The following ESRP1 variants were observed in gnomAD, a reference collection of about 807,000 sequenced individuals.
The protein encoded by ESRP1 is epithelial splicing regulatory protein 1.
Under a neutral mutation model 81.7 loss-of-function variants are expected in ESRP1, and 33 were observed. The observed-to-expected ratio is 0.40, with a 90% CI of 0.31 to 0.54. The LOEUF (loss-of-function observed/expected upper bound fraction) is 0.54, where lower values mean the gene tolerates loss of function less well. Ranked by LOEUF, ESRP1 falls within the 20% of genes least tolerant of loss-of-function variation. The pLI is 0.41. For missense variants in ESRP1, 672 were observed against 833.1 expected (o/e 0.81, Z 2.38); for synonymous variants, 320 against 303.3 (o/e 1.06, Z -0.57).
intron 4 of ESRP1, among the ~76,000 whole-genome samples, chr8:94,658,069 A>G (rs1215713624): frequency 2.0e-5 from 3 of 152,108 alleles, no homozygotes; most frequent in Non-Finnish European, 2.9e-5. Flanking sequence ...CCGCCACCAC[A>G]TCCGGCTAAT....
At chr8:94,641,845 T>C in intron 1 of ESRP1, 111 bp from the exon 2 acceptor site, 1 of 1,497,622 alleles carries the variant, frequency 6.7e-7, no homozygotes, top group Non-Finnish European at 8.9e-7. Flanking sequence ...TGATTCTGCG[T>C]CCGGACCCCA....
intron 13 of ESRP1, 117 bp downstream of exon 13, chr8:94,678,488 AC>A: frequency 8.2e-7 from 1 of 1,215,902 alleles, no homozygotes; most frequent in Non-Finnish European, 1.1e-6. Flanking sequence ...GTGGCAGGCC[AC>A]AGCCTCTGGT....
At chr8:94,660,478 C>G (rs991846295) in intron 4 of ESRP1, among the ~76,000 whole-genome samples, 1 of 151,174 alleles carries the variant, frequency 6.6e-6, no homozygotes, top group African/African-American at 2.4e-5. Context: ...GTGGCTCACG[C>G]CTATAATCCC....
intron 13 of ESRP1, among the ~76,000 whole-genome samples, chr8:94,684,277 C>T (rs959029212): frequency 6.6e-6 from 1 of 152,092 alleles, no homozygotes; most frequent in Non-Finnish European, 1.5e-5. Flanking sequence ...TTGTTTGGTT[C>T]CTTAGACTTT....
intron 4 of ESRP1, among the ~76,000 whole-genome samples, chr8:94,657,472 CGTGTGTGTGTGTGTGTGT>C (rs9297944): frequency 4.1e-5 from 6 of 146,156 alleles, no homozygotes; most frequent in Non-Finnish European, 6.0e-5. Flanking sequence ...AGGCTGTGTG[CGTGTGTGTGTGTGTGTGT>C]GTGTGTGTGT....
At chr8:94,703,934 A>G (rs2130747091) in intron 15 of ESRP1, among the ~76,000 whole-genome samples, 1 of 152,326 alleles carries the variant, frequency 6.6e-6, no homozygotes, top group South Asian at 2.1e-4. Flanking sequence ...ACTGATCAAT[A>G]GTGTTGGGTC....
intron 4 of ESRP1, among the ~76,000 whole-genome samples, chr8:94,661,017 A>G (rs912090321): frequency 6.6e-6 from 1 of 152,100 alleles, no homozygotes; most frequent in Non-Finnish European, 1.5e-5. Context: ...TCAGATGATT[A>G]ACATGTTTTA....
chr8:94,683,165 A>G (rs1027197941), intron 13 of ESRP1, among the ~76,000 whole-genome samples: 1 of 151,542 alleles, frequency 6.6e-6, no homozygotes, highest in African/African-American at 2.4e-5. Context: ...GCTAGTCTCC[A>G]ACTCCAGACC....
At chr8:94,653,696 C>T (rs755946225) in intron 4 of ESRP1, among the ~76,000 whole-genome samples, 12 of 152,126 alleles carry the variant, frequency 7.9e-5, no homozygotes, top group Non-Finnish European at 1.8e-4. Flanking sequence ...TTTATTCTAA[C>T]AGTGAAATGA....
intron 10 of ESRP1, among the ~76,000 whole-genome samples, chr8:94,670,817 G>T (rs1043627103): frequency 1.3e-5 from 2 of 152,168 alleles, no homozygotes; most frequent in Non-Finnish European, 2.9e-5. Context: ...CAAATTCACA[G>T]GGAAACTAAA....
chr8:94,688,319 C>G, intron 13 of ESRP1: 1 of 208,522 alleles, frequency 4.8e-6, no homozygotes, highest in South Asian at 8.9e-5. Flanking sequence ...AAGGCTGTGC[C>G]CAGTGTTATT....
chr8:94,667,983 G>T lies in ESRP1; in HGVS notation c.966G>T (p.Lys322Asn). The T allele has an allele frequency of 6.2e-7, 1 of 1,608,392 alleles. No individual in the cohort carries two copies. The change falls in exon 10 of 16, where the codon AAG becomes AAT. Residue 322 changes from lysine (K) to asparagine (N), a missense_variant. Coordinates refer to ENST00000433389, the MANE Select transcript of ESRP1 (RefSeq NM_017697.4). ...TSNEVAQFLS[K>N]ENQVIVRMRG... ...ATGAGGTAGCCCAGTTTCTCTCCAA[G>T]GAAAATCAAGTCATTGTCCGCATGC...
At chr8:94,677,287 T>C (rs373614842) in intron 12 of ESRP1, among the ~76,000 whole-genome samples, 1 of 152,194 alleles carries the variant, frequency 6.6e-6, no homozygotes, top group Non-Finnish European at 1.5e-5. Flanking sequence ...GATTGCAAAA[T>C]GTGGTGGTTC....
rs927467022 is a variant in ESRP1 at position 94,641,195 on chromosome 8, G to A, written c.-124G>A. 2 of 966,464 alleles carry A rather than the reference G, an allele frequency of 2.1e-6. No individual in the cohort carries two copies. The highest frequency in any genetic ancestry group is 3.6e-5 in the South Asian group (2 of 55,862). 59.9% of individuals were successfully genotyped at this position (966,464 alleles called of 1,614,324 possible). On this transcript the variant is annotated 5_prime_UTR_variant, in exon 1 of 16. Transcript: ENST00000433389. ...CCGCCTTTTGCACTAGCAGTAGCAA[G>A]GAAGGGGGGTGGGCGCTCTTTCTTT...
At chr8:94,642,126 A>G (rs770150962) in intron 2 of ESRP1, 42 bp downstream of exon 2, 21 of 1,597,286 alleles carry the variant, frequency 1.3e-5, no homozygotes, top group Non-Finnish European at 1.6e-5. Context: ...GCCTGGGCCC[A>G]ACCCCACCGC....
intron 11 of ESRP1, among the ~76,000 whole-genome samples, chr8:94,673,440 A>G (rs564977412): frequency 6.6e-6 from 1 of 152,270 alleles, no homozygotes; most frequent in South Asian, 2.1e-4. Flanking sequence ...TCTAATGGTA[A>G]CTTGCATGGT....
At chr8:94,690,443 G>A (rs952947262) in intron 13 of ESRP1, among the ~76,000 whole-genome samples, 2 of 151,734 alleles carry the variant, frequency 1.3e-5, no homozygotes, top group East Asian at 1.9e-4. Context: ...TAGAATTTAG[G>A]TTGATGAAAA....
chr8:94,678,377 G>T lies in ESRP1; in HGVS notation c.1820+6G>T. ...TACACAGCGTACTATCCCAGGTAAG[G>T]CTCTGACAGAGGTGGAAATGAGGGG... On this transcript the variant is annotated splice_donor_region_variant and intron_variant, in intron 13 of 15. Coordinates refer to ENST00000433389, the MANE Select transcript of ESRP1 (RefSeq NM_017697.4). The T allele has an allele frequency of 6.2e-7, 1 of 1,608,328 alleles. No individual in the cohort carries two copies. The highest frequency in any genetic ancestry group is 8.5e-7 in the Non-Finnish European group (1 of 1,176,670).
At chr8:94,661,181 C>G (rs1818725967) in intron 4 of ESRP1, among the ~76,000 whole-genome samples, 2 of 152,084 alleles carry the variant, frequency 1.3e-5, no homozygotes, top group Admixed American at 6.6e-5. Flanking sequence ...GCTGAGATTA[C>G]AGGCATGCAC....
Sources: gnomAD v4.1 joint callset for allele counts (sites outside exome capture counted in the v4.1 genomes callset) on GRCh38, gnomAD v4.1.1 for gene constraint, MANE v1.5 for transcripts, NCBI Gene and HGNC (gene_info 2026-07-23, HGNC 2026-07-21) for gene names.